IL2RA: variants seen among roughly 807,000 people sequenced by gnomAD.
IL2RA encodes interleukin-2 receptor subunit alpha.
In IL2RA, 24 loss-of-function variants were observed where a neutral mutation model predicts 37.8. The ratio of observed to expected loss-of-function variants is 0.63; its 90% CI spans 0.46 to 0.89. IL2RA has a LOEUF of 0.89. Ranked by LOEUF, IL2RA falls within the 40% of genes least tolerant of loss-of-function variation. The probability of loss-of-function intolerance (pLI) is 0.00; values close to 1 mark genes in which losing one functional copy is unlikely to be tolerated. For missense variants in IL2RA, 319 were observed against 348.6 expected (o/e 0.92, Z 0.68); for synonymous variants, 125 against 114.6 (o/e 1.09, Z -0.58).
intron 1 of IL2RA, among the ~76,000 whole-genome samples, chr10:6,051,833 A>ATATATATATATATATATATATATG (rs1250455955): frequency 8.5e-6 from 1 of 117,534 alleles, no homozygotes; most frequent in Non-Finnish European, 1.8e-5. Flanking sequence ...ATATATATAT[A>ATATATATATATATATATATATATG]TATATATATA....
intron 1 of IL2RA, among the ~76,000 whole-genome samples, chr10:6,050,082 A>G (rs1839925733): frequency 1.3e-5 from 2 of 152,196 alleles, no homozygotes. Flanking sequence ...CCCTGAGGCA[A>G]TGGAAATGAC....
intron 6 of IL2RA, 114 bp downstream of exon 6, chr10:6,019,306 ACCTACCAG>A (rs1839338122): frequency 1.3e-6 from 1 of 799,620 alleles, no homozygotes; most frequent in East Asian, 2.4e-5. Flanking sequence ...CTACCTATCA[ACCTACCAG>A]TCAACCAACT....
At chr10:6,037,448 C>T (rs1839706041) in intron 1 of IL2RA, among the ~76,000 whole-genome samples, 1 of 152,188 alleles carries the variant, frequency 6.6e-6, no homozygotes, top group African/African-American at 2.4e-5. Context: ...ATAAAGGCTT[C>T]ATCCCTCTTC....
At position 6,021,738 on chromosome 10, in the gene IL2RA, C is replaced by A. The variant is rs750345445; in HGVS notation, c.368-45G>T. ...CTCTGAAGGCAAGTTGGGGACAGCA[C>A]CGCGAGTGAGTCCAGGTTGCCTCTT... On this transcript the variant is annotated intron_variant, in intron 3 of 7. Transcript: ENST00000379959. This position sits in a 1 kb window ranked among gnomAD's most constrained non-coding sequence, Gnocchi z 4.9. 1 of 1,537,498 alleles carries A rather than the reference C, an allele frequency of 6.5e-7. No individual in the cohort carries two copies. Among genetic ancestry groups the A allele is most frequent in the Non-Finnish European group, 9.0e-7 (1 of 1,111,522 alleles).
rs1230387473 is a variant in IL2RA, at chr10:6,015,872, C to T, written c.794+2181G>A. ...ATAAAAGGCCACGTGATTCCATTTA[C>T]ACGAAATGTCCAGAATAGGCAAATC... On this transcript the variant is annotated intron_variant, in intron 7 of 7. Transcript: ENST00000379959. This position sits in a 1 kb window ranked among gnomAD's most constrained non-coding sequence, Gnocchi z 4.9. Among the ~76,000 whole-genome samples, 3 of 152,114 alleles carry T rather than the reference C, an allele frequency of 2.0e-5. No homozygotes were observed. The highest frequency in any genetic ancestry group is 7.2e-5 in the African/African-American group (3 of 41,402).
rs1465142563 is a variant in IL2RA at position 6,046,126 on chromosome 10, G to A, written c.64+15962C>T. On this transcript the variant is annotated intron_variant, in intron 1 of 7. Transcript: ENST00000379959. This position sits in a 1 kb window ranked among gnomAD's most constrained non-coding sequence, Gnocchi z 4.8. ...CACCCATCTCGCAGGGGAACCTCTTGTACCCCTTTTCCTTCCTGCTCTCAA... is the reference window on the plus strand; with the variant it reads ...CACCCATCTCGCAGGGGAACCTCTTATACCCCTTTTCCTTCCTGCTCTCAA... Among the ~76,000 whole-genome samples, 8 of 152,138 alleles carry A rather than the reference G, an allele frequency of 5.3e-5. No homozygotes were observed. The highest frequency in any genetic ancestry group is 1.2e-4 in the Non-Finnish European group (8 of 68,020).
chr10:6,057,228 T>G lies in IL2RA; in HGVS notation c.64+4860A>C, dbSNP rs1242200239. Among the ~76,000 whole-genome samples, 1 of 152,174 alleles carries G rather than the reference T, an allele frequency of 6.6e-6. No individual in the cohort carries two copies. The highest frequency in any genetic ancestry group is 1.5e-5 in the Non-Finnish European group (1 of 68,020). ...GAGATATTGGATAGATTTTGAGAAT[T>G]GAGTGAGTGGAGTTTTTGCGTTGAC... On this transcript the variant is annotated intron_variant, in intron 1 of 7. Transcript: ENST00000379959. This position sits in a 1 kb window ranked among gnomAD's most constrained non-coding sequence, Gnocchi z 4.8.
chr10:6,061,885 A>C (rs1840126281), intron 1 of IL2RA, among the ~76,000 whole-genome samples: 1 of 152,210 alleles, frequency 6.6e-6, no homozygotes. Context: ...AGGAGAACCT[A>C]ATGCTATTTC....
Position 6,020,062 on chromosome 10 carries a change from G to C in IL2RA, c.584-121C>G. On this transcript the variant is annotated intron_variant, in intron 4 of 7. Coordinates refer to ENST00000379959, the MANE Select transcript of IL2RA (RefSeq NM_000417.3). The surrounding 1 kb of genome is among the most constrained non-coding windows in gnomAD (Gnocchi z 5.6). ...CCCGAGGAGGCAGGAATCCTGGTGT[G>C]GGCACTTCGCCAGGGATGCCACCCC... 1.3e-6 allele frequency: 1 copy of C among 795,562 alleles called. No homozygotes were observed. The highest frequency in any genetic ancestry group is 2.5e-5 in the East Asian group (1 of 39,670). The allele number at this position is 795,562 out of a possible 1,614,324, so 49.3% of individuals were successfully genotyped here. A position where few individuals can be genotyped will look rare whatever the true frequency, so the allele number is the denominator to read the frequency against.
Position 6,021,342 on chromosome 10 carries a change from A to C in IL2RA, c.583+136T>G. ...ATTTTTTTTTTTTTCTCAGAATGAG[A>C]AAAAATGGAAGCCCAGGGAGATCAA... On this transcript the variant is annotated intron_variant, in intron 4 of 7. Coordinates refer to ENST00000379959, the MANE Select transcript of IL2RA (RefSeq NM_000417.3). The surrounding 1 kb of genome is among the most constrained non-coding windows in gnomAD (Gnocchi z 4.9). 1.3e-6 allele frequency: 1 copy of C among 780,192 alleles called. No individual in the cohort carries two copies. The highest frequency in any genetic ancestry group is 2.5e-5 in the East Asian group (1 of 40,074). 48.3% of individuals were successfully genotyped at this position (780,192 alleles called of 1,614,324 possible).
Position 6,022,656 on chromosome 10 carries a change from G to T in IL2RA, c.368-963C>A, listed in dbSNP as rs1271899388. Among the ~76,000 whole-genome samples, 1 of 151,136 alleles carries T rather than the reference G, an allele frequency of 6.6e-6. No individual in the cohort carries two copies. The highest frequency in any genetic ancestry group is 1.5e-5 in the Non-Finnish European group (1 of 67,826). On this transcript the variant is annotated intron_variant, in intron 3 of 7. Transcript: ENST00000379959. This position sits in a 1 kb window ranked among gnomAD's most constrained non-coding sequence, Gnocchi z 4.7. ...TGCCATGTGGCACCTTGAACATCACGACTGAACTTGTGTTTTGGTCTCAGG... is the reference window on the plus strand; with the variant it reads ...TGCCATGTGGCACCTTGAACATCACTACTGAACTTGTGTTTTGGTCTCAGG...
intron 1 of IL2RA, among the ~76,000 whole-genome samples, chr10:6,027,364 G>C (rs1839501361): frequency 6.7e-6 from 1 of 148,918 alleles, no homozygotes; most frequent in African/African-American, 2.5e-5. Context: ...CAGACAGCTT[G>C]GCCCATCTCT....
intron 1 of IL2RA, among the ~76,000 whole-genome samples, chr10:6,050,851 G>A (rs184108263): frequency 5.9e-5 from 9 of 152,152 alleles, no homozygotes; most frequent in African/African-American, 1.7e-4. Flanking sequence ...TTGAAAACGG[G>A]GCCAGAGAAG....
intron 1 of IL2RA, among the ~76,000 whole-genome samples, chr10:6,042,625 T>C (rs1179770526): frequency 1.3e-5 from 2 of 152,154 alleles, no homozygotes; most frequent in African/African-American, 4.8e-5. Flanking sequence ...GAATCTATAC[T>C]TATCCAAAGA....
At position 6,016,042 on chromosome 10, in the gene IL2RA, C is replaced by T. The variant is rs928417534; in HGVS notation, c.794+2011G>A. 2.0e-5 allele frequency among the ~76,000 whole-genome samples: 3 copies of T among 152,316 alleles called. No homozygotes were observed. The East Asian group carries it at 5.8e-4, about 29-fold the overall frequency. On this transcript the variant is annotated intron_variant, in intron 7 of 7. Transcript: ENST00000379959. The stretch of plus-strand genomic sequence containing the variant: ...AACATTGCAAACATACTAAATACCA[C>T]TTACTGTGGTTTGAATACATCCCCC...
chr10:6,049,624 G>T (rs750707884), intron 1 of IL2RA, among the ~76,000 whole-genome samples: 1 of 152,168 alleles, frequency 6.6e-6, no homozygotes, highest in Non-Finnish European at 1.5e-5. Context: ...GGACTCTTCT[G>T]TCTGTGCTTT....
chr10:6,057,162 G>A lies in IL2RA; in HGVS notation c.64+4926C>T, dbSNP rs1024062821. Among the ~76,000 whole-genome samples the A allele has an allele frequency of 1.3e-5, 2 of 152,270 alleles. No homozygotes were observed. Among genetic ancestry groups the A allele is most frequent in the South Asian group, 2.1e-4 (1 of 4,820 alleles). ...CTCTCTTAAGGATCAGGACTATGTC[G>A]CTCATTTTTACATTTCCTATAGTAT... On this transcript the variant is annotated intron_variant, in intron 1 of 7. Coordinates refer to ENST00000379959, the MANE Select transcript of IL2RA (RefSeq NM_000417.3). The surrounding 1 kb of genome is among the most constrained non-coding windows in gnomAD (Gnocchi z 4.8).
intron 1 of IL2RA, among the ~76,000 whole-genome samples, chr10:6,031,484 A>ATATATATG (rs1839585226): frequency 2.7e-5 from 1 of 37,002 alleles, no homozygotes; most frequent in African/African-American, 1.2e-4. Context: ...ATATATATAT[A>ATATATATG]TATATATATG....
At position 6,047,065 on chromosome 10, in the gene IL2RA, C is replaced by G. The variant is rs539587052; in HGVS notation, c.64+15023G>C. Among the ~76,000 whole-genome samples the G allele has an allele frequency of 6.6e-6, 1 of 152,344 alleles. No individual in the cohort carries two copies. The highest frequency in any genetic ancestry group is 2.4e-5 in the African/African-American group (1 of 41,572). On this transcript the variant is annotated intron_variant, in intron 1 of 7. Coordinates refer to ENST00000379959, the MANE Select transcript of IL2RA (RefSeq NM_000417.3). The surrounding 1 kb of genome is among the most constrained non-coding windows in gnomAD (Gnocchi z 5.0). ...GTTAGGACTGAAAGGGACAAAGACCCTCTCCATGTCTCTGCATGCTTGCAT... is the reference window on the plus strand; with the variant it reads ...GTTAGGACTGAAAGGGACAAAGACCGTCTCCATGTCTCTGCATGCTTGCAT...
Sources: allele counts gnomAD v4.1 joint callset (sites outside exome capture counted in the v4.1 genomes callset), GRCh38; gene constraint gnomAD v4.1.1; non-coding constraint Gnocchi (gnomAD v3.1); transcripts MANE v1.5; gene names NCBI Gene and HGNC (gene_info 2026-07-23, HGNC 2026-07-21).